The following NBEA variants were observed in gnomAD, a reference collection of about 807,000 sequenced individuals.
NBEA encodes neurobeachin, also known as lysosomal-trafficking regulator 2.
In NBEA, 44 loss-of-function variants were observed where a neutral mutation model predicts 343.4. The observed-to-expected ratio is 0.13, with a 90% CI of 0.10 to 0.16. The LOEUF is 0.16. NBEA is among the 10% of genes least tolerant of loss of function. The probability of loss-of-function intolerance (pLI) is 1.00; values close to 1 mark genes in which losing one functional copy is unlikely to be tolerated. For missense variants in NBEA, 2,555 were observed against 3,631.3 expected (o/e 0.70, Z 7.62); for synonymous variants, 1,175 against 1,238.7 (o/e 0.95, Z 1.08).
chr13:35,618,149 A>T (rs576594615), intron 48 of NBEA, among the ~76,000 whole-genome samples: 6 of 152,338 alleles, frequency 3.9e-5, no homozygotes, highest in Non-Finnish European at 7.3e-5. Context: ...AAAGTATAAA[A>T]TGAAAATGTC....
At chr13:35,359,487 A>G (rs1256116263) in intron 38 of NBEA, among the ~76,000 whole-genome samples, 2 of 151,346 alleles carry the variant, frequency 1.3e-5, no homozygotes, top group African/African-American at 4.9e-5. Context: ...TCATCCCTCT[A>G]ATTTTCTACT....
chr13:35,422,334 T>G (rs2044342849), intron 38 of NBEA, among the ~76,000 whole-genome samples: 2 of 131,374 alleles, frequency 1.5e-5, no homozygotes, highest in Admixed American at 8.5e-5. Context: ...GTGTGTGATG[T>G]TCCCCTTCCT....
chr13:35,605,028 T>C (rs1488285429), intron 47 of NBEA, among the ~76,000 whole-genome samples: 2 of 152,210 alleles, frequency 1.3e-5, no homozygotes, highest in Non-Finnish European at 2.9e-5. Flanking sequence ...CATTTTTTGT[T>C]TCCTGAGTAC....
intron 46 of NBEA, 32 bp from the exon 47 acceptor site, chr13:35,593,296 G>A: frequency 1.2e-6 from 2 of 1,609,252 alleles, no homozygotes; most frequent in Non-Finnish European, 1.7e-6. Context: ...TGTTTAGAGT[G>A]GTCAAATTTC....
intron 35 of NBEA, among the ~76,000 whole-genome samples, chr13:35,300,988 T>A (rs2247674): frequency 0.09 from 13,755 of 152,200 alleles, 678 homozygotes; most frequent in East Asian, 0.22. Context: ...TTTACAACTG[T>A]CATTCACAAA....
At chr13:35,078,691 A>G (rs368071117) in intron 10 of NBEA, among the ~76,000 whole-genome samples, 163 of 152,276 alleles carry the variant, frequency 1.1e-3, no homozygotes, top group African/African-American at 3.4e-3. Flanking sequence ...TAATAATGCA[A>G]TCTCCCATGG....
intron 41 of NBEA, among the ~76,000 whole-genome samples, chr13:35,532,696 T>C (rs1322122689): frequency 6.6e-6 from 1 of 152,106 alleles, no homozygotes; most frequent in African/African-American, 2.4e-5. Flanking sequence ...AGTCTATGCA[T>C]CATTCTAGAT....
chr13:35,139,438 A>T (rs1230804190), intron 17 of NBEA, among the ~76,000 whole-genome samples: 1 of 152,200 alleles, frequency 6.6e-6, no homozygotes, highest in African/African-American at 2.4e-5. Context: ...AGTGGAATGT[A>T]TAGTAAGCTA....
chr13:35,193,906 T>C (rs1289591432), intron 30 of NBEA, among the ~76,000 whole-genome samples: 1 of 151,958 alleles, frequency 6.6e-6, no homozygotes, highest in Non-Finnish European at 1.5e-5. Flanking sequence ...TAAATGCATA[T>C]TTTAAGTCAG....
intron 25 of NBEA, chr13:35,170,978 A>C (rs140270273): frequency 5.9e-4 from 255 of 433,476 alleles, no homozygotes; most frequent in Non-Finnish European, 1.0e-3. Context: ...GTTCTGTCTA[A>C]ATATCTTTGT....
chr13:34,979,095 T>C (rs2060271880), intron 1 of NBEA, among the ~76,000 whole-genome samples: 2 of 152,198 alleles, frequency 1.3e-5, no homozygotes, highest in African/African-American at 4.8e-5. Context: ...ACAGATCTCT[T>C]TTCCCCAGCA....
At chr13:35,368,538 C>G (rs2152881004) in intron 38 of NBEA, among the ~76,000 whole-genome samples, 1 of 151,730 alleles carries the variant, frequency 6.6e-6, no homozygotes, top group Admixed American at 6.6e-5. Flanking sequence ...GCAATCTCAT[C>G]CATCTTCACA....
In NBEA at chr13:35,522,475, CAAAAAAAAA is replaced by C. The variant is rs138270833; in HGVS notation, c.6586-27979_6586-27971del. On this transcript the variant is annotated intron_variant, in intron 41 of 58. Transcript: ENST00000379939. ...GGGCAACAAAGCAAGATACCATCTC[CAAAAAAAAA>C]AAAAAAAAAAAAAAAAAAAAAATGG... is the stretch of plus-strand genomic sequence containing the variant. Among the ~76,000 whole-genome samples, 16 of 42,036 alleles carry C rather than the reference CAAAAAAAAA, an allele frequency of 3.8e-4. 2 individuals carry two copies. The East Asian group carries it at 4.3e-3, about 11-fold the overall frequency. 27.6% of individuals were successfully genotyped at this position (42,036 alleles called of 152,430 possible).
chr13:35,378,812 C>A (rs1410717801), intron 38 of NBEA, among the ~76,000 whole-genome samples: 1 of 151,820 alleles, frequency 6.6e-6, no homozygotes, highest in Non-Finnish European at 1.5e-5. Flanking sequence ...ATTCCTCACC[C>A]TGCTAAGGTA....
intron 40 of NBEA, among the ~76,000 whole-genome samples, chr13:35,452,692 A>C (rs924757254): frequency 6.6e-6 from 1 of 152,134 alleles, no homozygotes; most frequent in Admixed American, 6.6e-5. Flanking sequence ...CTGTAGCCTC[A>C]TATTGCTAAG....
chr13:35,663,401 C>G (rs1297146098), intron 55 of NBEA, among the ~76,000 whole-genome samples: 1 of 152,190 alleles, frequency 6.6e-6, no homozygotes, highest in African/African-American at 2.4e-5. Context: ...TTTCACTTAA[C>G]CTCATGTCCT....
rs1310879196 is a variant in NBEA at position 35,298,185 on chromosome 13, GTA to G, written c.5838+7737_5838+7738del. ...AGATACATAGCCAGTGTGTGTGTGT[GTA>G]TGTGTGTGTGTGTGTGTGTGTGTGT... is the stretch of plus-strand genomic sequence containing the variant. On this transcript the variant is annotated intron_variant, in intron 35 of 58. Transcript: ENST00000379939. 8.5e-3 allele frequency among the ~76,000 whole-genome samples: 888 copies of G among 104,242 alleles called. 10 individuals carry two copies. Among genetic ancestry groups the G allele is most frequent in the African/African-American group, 0.026 (841 of 32,086 alleles). 68.4% of individuals were successfully genotyped at this position (104,242 alleles called of 152,430 possible). A position where few individuals can be genotyped will look rare whatever the true frequency, so the allele number is the denominator to read the frequency against.
At chr13:35,541,726 GT>G (rs1379147011) in intron 41 of NBEA, among the ~76,000 whole-genome samples, 4 of 17,232 alleles carry the variant, frequency 2.3e-4, no homozygotes, top group South Asian at 4.0e-3. Context: ...GTCTGCATGG[GT>G]GTGTGTGTGT....
At chr13:35,375,711 A>T (rs1487005932) in intron 38 of NBEA, among the ~76,000 whole-genome samples, 2 of 152,308 alleles carry the variant, frequency 1.3e-5, no homozygotes, top group South Asian at 4.1e-4. Context: ...AAATCATAGC[A>T]TTTGTGATGC....
Sources: gnomAD v4.1 joint callset for allele counts (sites outside exome capture counted in the v4.1 genomes callset) on GRCh38, gnomAD v4.1.1 for gene constraint, MANE v1.5 for transcripts, NCBI Gene and HGNC (gene_info 2026-07-23, HGNC 2026-07-21) for gene names.